AAAS: variants seen among roughly 807,000 people sequenced by gnomAD.
The protein encoded by AAAS is aladin.
AAAS carries 60 observed loss-of-function variants against 75.6 expected under a neutral mutation model. The observed-to-expected ratio is 0.79, with a 90% CI of 0.64 to 0.98. The LOEUF is 0.98. Ranked by LOEUF, AAAS falls within the 50% of genes least tolerant of loss-of-function variation. The probability of loss-of-function intolerance (pLI) is 0.00; values close to 1 mark genes in which losing one functional copy is unlikely to be tolerated. For missense variants in AAAS, 658 were observed against 686.9 expected, an observed-to-expected ratio of 0.96 and a Z score of 0.47; for synonymous variants, 271 against 265.0, an observed-to-expected ratio of 1.02 and a Z score of -0.22.
chr12:53,315,523 G>A, intron 3 of AAAS, 97 bp from the exon 4 acceptor site: 2 of 1,268,894 alleles, frequency 1.6e-6, no homozygotes, highest in South Asian at 2.5e-5. Flanking sequence ...CACTCCCCAG[G>A]TCCTTCTGCC....
intron 7 of AAAS, chr12:53,309,942 A>C: frequency 1.5e-6 from 1 of 645,182 alleles, no homozygotes; most frequent in Non-Finnish European, 2.6e-6. Context: ...AGAAGAGGTA[A>C]TCTGCAAGGT....
chr12:53,308,096 G>A lies in AAAS; in HGVS notation c.1287C>T (p.Leu429=), dbSNP rs768319804. The A allele has an allele frequency of 6.2e-7, 1 of 1,614,206 alleles. No individual in the cohort carries two copies. Among genetic ancestry groups the A allele is most frequent in the Non-Finnish European group, 8.5e-7 (1 of 1,180,018 alleles). Residue 429 remains leucine (L), a synonymous_variant, in exon 14 of 16, where the codon CTC becomes CTT. Coordinates refer to ENST00000209873, the MANE Select transcript of AAAS (RefSeq NM_015665.6). ...CAGGGCTGTTTCGAGTGCGAAAAAG[G>A]AGGATGACTGGTTTACCATCCTGTA... ...PRVQDGKPVI[L]LFRTRNSPVF...
At chr12:53,316,409 T>A (rs1420268933) in intron 2 of AAAS, among the ~76,000 whole-genome samples, 2 of 149,366 alleles carry the variant, frequency 1.3e-5, no homozygotes, top group Non-Finnish European at 3.0e-5. Context: ...AAGCCGAGAT[T>A]GTGCCACTGC....
At chr12:53,321,107 T>G in intron 1 of AAAS, 2 of 625,752 alleles carry the variant, frequency 3.2e-6, no homozygotes, top group Non-Finnish European at 5.4e-6. Context: ...CCCTAGATTC[T>G]CCCTCATTCT....
intron 2 of AAAS, 113 bp downstream of exon 2, chr12:53,320,452 G>A (rs1944535214): frequency 1.9e-5 from 27 of 1,447,940 alleles, no homozygotes; most frequent in South Asian, 3.5e-5. Flanking sequence ...TACAGCTCTC[G>A]TGGAGACAGC....
chr12:53,309,905 A>G (rs1179462699), intron 7 of AAAS, 184 bp from the exon 8 acceptor site: 1 of 874,342 alleles, frequency 1.1e-6, no homozygotes, highest in Non-Finnish European at 1.8e-6. Flanking sequence ...GGGAAAAACG[A>G]CCAAGTCACC....
chr12:53,314,363 G>A lies in AAAS; in HGVS notation c.624C>T (p.Val208=), dbSNP rs1409161921. Reference sequence around the variant, plus strand: ...TGCAGCTCTGGCAGGCCACAGCCAAGACAGAGGCACTAAGGGGCTTCCAGG... The same window carrying A: ...TGCAGCTCTGGCAGGCCACAGCCAAAACAGAGGCACTAAGGGGCTTCCAGG... ...SLAWKPLSAS[V]LAVACQSCIL... is the part of the protein sequence containing the mutation. The change falls in exon 7 of 16, where the codon GTC becomes GTT. Residue 208 remains valine, a synonymous_variant. Transcript: ENST00000209873. 3 of 1,614,096 alleles carry A rather than the reference G, an allele frequency of 1.9e-6. No individual in the cohort carries two copies. The highest frequency in any genetic ancestry group is 1.3e-5 in the African/African-American group (1 of 74,934).
Position 53,309,739 on chromosome 12 carries a change from G to A in AAAS, c.690-18C>T. On this transcript the variant is annotated intron_variant, in intron 7 of 15. Transcript: ENST00000209873. ...AAGAGGGTCTGGAGGGGAACACAGA[G>A]GATGTGGAGTCAGAAGATGACAAGA... The A allele has an allele frequency of 6.2e-7, 1 of 1,611,758 alleles. No homozygotes were observed. Among genetic ancestry groups the A allele is most frequent in the Non-Finnish European group, 8.5e-7 (1 of 1,179,262 alleles).
At chr12:53,312,784 CGTATATATATATATACGT>C (rs1944408355) in intron 7 of AAAS, among the ~76,000 whole-genome samples, 1 of 146,972 alleles carries the variant, frequency 6.8e-6, no homozygotes, top group South Asian at 2.1e-4. Context: ...TATACATACA[CGTATATATATATATACGT>C]GTATATATAT....
At chr12:53,317,074 A>G (rs888854192) in intron 2 of AAAS, among the ~76,000 whole-genome samples, 1 of 152,098 alleles carries the variant, frequency 6.6e-6, no homozygotes, top group African/African-American at 2.4e-5. Context: ...TGGGCAACAG[A>G]GCAAGATGCT....
rs368550681 is a variant in AAAS, at chr12:53,307,942, G to A, written c.1332-13C>T. On this transcript the variant is annotated splice_polypyrimidine_tract_variant and intron_variant, in intron 14 of 15. Transcript: ENST00000209873. ...CTGGATAATGCCACTAGAAGAAAAG[G>A]TGAGCAGGCAACCGGAGGCAAGAAG... The A allele has an allele frequency of 2.5e-6, 4 of 1,613,996 alleles. No individual in the cohort carries two copies. Among genetic ancestry groups the A allele is most frequent in the African/African-American group, 2.7e-5 (2 of 74,934 alleles).
Position 53,315,075 on chromosome 12 carries a change from C to G in AAAS, c.446+19G>C. The stretch of plus-strand genomic sequence containing the variant: ...TTCAGGACTTCCTTTCCACAAAGCT[C>G]CAGGGCTTGTGCACTCACCAATTTG... On this transcript the variant is annotated intron_variant, in intron 5 of 15. Transcript: ENST00000209873. 2 of 1,614,056 alleles carry G rather than the reference C, an allele frequency of 1.2e-6. No individual in the cohort carries two copies. Among genetic ancestry groups the G allele is most frequent in the Non-Finnish European group, 1.7e-6 (2 of 1,179,918 alleles).
chr12:53,315,468 G>T (rs748468937), intron 3 of AAAS, 42 bp from the exon 4 acceptor site: 3 of 1,557,634 alleles, frequency 1.9e-6, no homozygotes, highest in Non-Finnish European at 1.8e-6. Context: ...CCATTCACAG[G>T]CCTCTTACCA....
chr12:53,320,451 C>T (rs1944535182), intron 2 of AAAS, 114 bp downstream of exon 2: 6 of 1,439,460 alleles, frequency 4.2e-6, no homozygotes, highest in African/African-American at 2.8e-5. Flanking sequence ...ATACAGCTCT[C>T]GTGGAGACAG....
At chr12:53,318,243 T>TGTGC (rs752221609) in intron 2 of AAAS, among the ~76,000 whole-genome samples, 2 of 118,962 alleles carry the variant, frequency 1.7e-5, no homozygotes, top group African/African-American at 3.2e-5. Flanking sequence ...TGTGTGTGTG[T>TGTGC]GCGTGTGTGT....
chr12:53,318,551 G>A (rs1395081649), intron 2 of AAAS, among the ~76,000 whole-genome samples: 1 of 152,136 alleles, frequency 6.6e-6, no homozygotes, highest in African/African-American at 2.4e-5. Context: ...AAGGTGTGAA[G>A]AGGCTAATTA....
intron 7 of AAAS, among the ~76,000 whole-genome samples, chr12:53,313,412 C>G (rs1370092987): frequency 1.3e-5 from 2 of 151,812 alleles, no homozygotes; most frequent in Non-Finnish European, 2.9e-5. Context: ...GAAATCCACC[C>G]ACCTTGGTCT....
intron 10 of AAAS, 27 bp from the exon 11 acceptor site, chr12:53,308,842 G>A: frequency 6.2e-7 from 1 of 1,613,778 alleles, no homozygotes; most frequent in African/African-American, 1.3e-5. Flanking sequence ...AAAGGCAGGA[G>A]AAGGTATGTC....
At chr12:53,320,840 G>A in intron 1 of AAAS, 148 bp from the exon 2 acceptor site, 3 of 896,346 alleles carry the variant, frequency 3.3e-6, no homozygotes, top group South Asian at 3.0e-5. Context: ...TTGTGAGAAT[G>A]GGAAACAAGT....
Sources: allele counts gnomAD v4.1 joint callset (sites outside exome capture counted in the v4.1 genomes callset), GRCh38; gene constraint gnomAD v4.1.1; transcripts MANE v1.5; gene names NCBI Gene and HGNC (gene_info 2026-07-23, HGNC 2026-07-21).